Variants in IQGAP2 observed in about 807,000 individuals in gnomAD.
The protein encoded by IQGAP2 is ras GTPase-activating-like protein IQGAP2.
In IQGAP2, 173 loss-of-function variants were observed where a neutral mutation model predicts 201.3. The observed-to-expected ratio is 0.86, with a 90% confidence interval of 0.76 to 0.98. The LOEUF (loss-of-function observed/expected upper bound fraction) is 0.98. IQGAP2 is among the 50% of genes least tolerant of loss of function. IQGAP2 has a pLI of 0.00. For missense variants in IQGAP2, 1,687 were observed against 1,864.8 expected (o/e 0.90, Z 1.76); for synonymous variants, 675 against 673.9 (o/e 1.00, Z -0.03).
intron 1 of IQGAP2, among the ~76,000 whole-genome samples, chr5:76,437,683 A>G (rs1580189293): frequency 6.6e-6 from 1 of 152,160 alleles, no homozygotes; most frequent in African/African-American, 2.4e-5. Flanking sequence ...AGCTCCATCC[A>G]TGTCCCTGCA....
chr5:76,631,712 A>G (rs769154373), intron 14 of IQGAP2, 147 bp from the exon 15 acceptor site: 1 of 513,060 alleles, frequency 1.9e-6, no homozygotes, highest in Non-Finnish European at 3.4e-6. Flanking sequence ...TGAATTTGTG[A>G]TTGTCTTGGG....
chr5:76,580,632 C>T (rs988575042), intron 5 of IQGAP2, among the ~76,000 whole-genome samples: 17 of 152,140 alleles, frequency 1.1e-4, no homozygotes, highest in Admixed American at 4.6e-4. Flanking sequence ...AACCTGTGGC[C>T]TTTCTCAGAC....
At chr5:76,567,761 C>T (rs1744855761) in intron 3 of IQGAP2, among the ~76,000 whole-genome samples, 1 of 152,138 alleles carries the variant, frequency 6.6e-6, no homozygotes, top group Admixed American at 6.5e-5. Flanking sequence ...AAACTACCTC[C>T]TGGTTTTAAA....
intron 15 of IQGAP2, among the ~76,000 whole-genome samples, chr5:76,636,352 A>G (rs933665752): frequency 6.6e-6 from 1 of 152,170 alleles, no homozygotes; most frequent in African/African-American, 2.4e-5. Context: ...AGGAGGAGAG[A>G]TTCTTGACCA....
chr5:76,634,020 G>C (rs905887619), intron 15 of IQGAP2, among the ~76,000 whole-genome samples: 4 of 151,230 alleles, frequency 2.6e-5, no homozygotes, highest in Non-Finnish European at 5.9e-5. Context: ...GTTTTTTCAT[G>C]GATATATCTT....
At chr5:76,481,518 G>A (rs1027171441) in intron 2 of IQGAP2, among the ~76,000 whole-genome samples, 1 of 151,994 alleles carries the variant, frequency 6.6e-6, no homozygotes, top group African/African-American at 2.4e-5. Flanking sequence ...GAGTAGCTGG[G>A]ATTACAGGAG....
At chr5:76,483,939 C>A (rs887026621) in intron 2 of IQGAP2, among the ~76,000 whole-genome samples, 1 of 152,104 alleles carries the variant, frequency 6.6e-6, no homozygotes, top group African/African-American at 2.4e-5. Context: ...TTCCTTCTTC[C>A]TGAGAAGCCT....
chr5:76,686,417 T>G (rs529514507), intron 30 of IQGAP2, among the ~76,000 whole-genome samples: 36 of 152,242 alleles, frequency 2.4e-4, no homozygotes, highest in African/African-American at 6.7e-4. Context: ...TCTATAGTTT[T>G]AGCTTTTACA....
chr5:76,659,433 G>C (rs1743056912), intron 21 of IQGAP2, among the ~76,000 whole-genome samples: 1 of 152,198 alleles, frequency 6.6e-6, no homozygotes, highest in Non-Finnish European at 1.5e-5. Context: ...GAGGGCTTCA[G>C]TGGCAAATGA....
intron 17 of IQGAP2, among the ~76,000 whole-genome samples, chr5:76,648,109 G>A (rs1258958814): frequency 6.6e-6 from 1 of 152,064 alleles, no homozygotes; most frequent in East Asian, 1.9e-4. Context: ...CACATGGGGA[G>A]TAATAAGAAG....
chr5:76,670,575 A>C (rs1177905720), intron 23 of IQGAP2, among the ~76,000 whole-genome samples: 1 of 152,162 alleles, frequency 6.6e-6, no homozygotes, highest in Non-Finnish European at 1.5e-5. Context: ...CAAAGAAAAT[A>C]AAAAGGAATG....
intron 14 of IQGAP2, among the ~76,000 whole-genome samples, chr5:76,629,384 G>A (rs781204284): frequency 6.6e-6 from 1 of 152,140 alleles, no homozygotes; most frequent in Admixed American, 6.6e-5. Flanking sequence ...AAAAGAAAAT[G>A]TGTTGGCCCA....
chr5:76,654,925 C>T lies in IQGAP2; in HGVS notation c.2251-9C>T, dbSNP rs756917580. 1.8e-5 allele frequency: 28 copies of T among 1,599,610 alleles called. No individual in the cohort carries two copies. Among genetic ancestry groups the T allele is most frequent in the Non-Finnish European group, 2.2e-5 (26 of 1,167,478 alleles). ...CTGGGAGATCAAGACTTGTCTTAAT[C>T]TTTTGCAGAATAATGAAATTGTGAA... On this transcript the variant is annotated splice_polypyrimidine_tract_variant and intron_variant, in intron 19 of 35. Transcript: ENST00000274364.
At chr5:76,437,367 AT>A (rs1752768197) in intron 1 of IQGAP2, among the ~76,000 whole-genome samples, 1 of 152,044 alleles carries the variant, frequency 6.6e-6, no homozygotes, top group South Asian at 2.1e-4. Context: ...TTTTTAAAAA[AT>A]TTTTATTTTA....
chr5:76,524,551 TG>T (rs1758862807), intron 2 of IQGAP2, among the ~76,000 whole-genome samples: 1 of 152,142 alleles, frequency 6.6e-6, no homozygotes, highest in Non-Finnish European at 1.5e-5. Flanking sequence ...TAGGCATAAA[TG>T]GGGAGGCCAT....
intron 2 of IQGAP2, among the ~76,000 whole-genome samples, chr5:76,552,593 A>G (rs1408522266): frequency 6.6e-6 from 1 of 152,242 alleles, no homozygotes; most frequent in African/African-American, 2.4e-5. Flanking sequence ...ACCTTCCACA[A>G]AACACAAAAA....
intron 17 of IQGAP2, among the ~76,000 whole-genome samples, chr5:76,643,844 G>A (rs1398256662): frequency 1.3e-5 from 2 of 152,144 alleles, no homozygotes; most frequent in African/African-American, 4.8e-5. Flanking sequence ...GAGTCTGTGG[G>A]CCAAGAGGAA....
At chr5:76,416,629 G>A (rs1751420151) in intron 1 of IQGAP2, among the ~76,000 whole-genome samples, 1 of 151,680 alleles carries the variant, frequency 6.6e-6, no homozygotes, top group South Asian at 2.1e-4. Context: ...CCGTGTTCAA[G>A]CGATTCTTCT....
chr5:76,543,216 C>G (rs17652073), intron 2 of IQGAP2, among the ~76,000 whole-genome samples: 28,613 of 151,844 alleles, frequency 0.19, 3,575 homozygotes, highest in Non-Finnish European at 0.28. Context: ...TACTGCTGCT[C>G]AAGCCATATT....
Sources: gnomAD v4.1 joint callset for allele counts (sites outside exome capture counted in the v4.1 genomes callset) on GRCh38, gnomAD v4.1.1 for gene constraint, MANE v1.5 for transcripts, NCBI Gene and HGNC (gene_info 2026-07-23, HGNC 2026-07-21) for gene names.